The following SORCS3 variants were observed in gnomAD, a reference collection of about 807,000 sequenced individuals.
The protein encoded by SORCS3 is VPS10 domain-containing receptor SorCS3.
A neutral mutation model predicts 146.3 loss-of-function variants in SORCS3; 57 were observed. The ratio of observed to expected loss-of-function variants is 0.39; its 90% CI spans 0.31 to 0.49. The LOEUF (loss-of-function observed/expected upper bound fraction) is 0.49. SORCS3 is among the 20% of genes least tolerant of loss of function. The pLI is 0.92. For synonymous variants in SORCS3, 653 were observed against 618.5 expected, an observed-to-expected ratio of 1.06 and a Z score of -0.83; for missense variants, 1,341 against 1,575.5, an observed-to-expected ratio of 0.85 and a Z score of 2.52.
intron 7 of SORCS3, among the ~76,000 whole-genome samples, chr10:105,113,152 T>TA (rs1411509389): frequency 6.6e-6 from 1 of 152,160 alleles, no homozygotes; most frequent in African/African-American, 2.4e-5. Flanking sequence ...ATCCTGCTGC[T>TA]AAAAAATGTT....
intron 5 of SORCS3, among the ~76,000 whole-genome samples, chr10:105,052,312 C>T (rs1312205705): frequency 2.0e-5 from 3 of 151,668 alleles, no homozygotes; most frequent in Admixed American, 6.6e-5. Flanking sequence ...ATGGCAACAC[C>T]GGAAACACTG....
chr10:104,985,346 T>G (rs6584649), intron 4 of SORCS3, among the ~76,000 whole-genome samples: 47,113 of 152,040 alleles, frequency 0.31, 9,648 homozygotes, highest in African/African-American at 0.58. Flanking sequence ...TTTATCATGA[T>G]ATTGCAGCAA....
At chr10:104,755,362 T>C (rs963842520) in intron 1 of SORCS3, among the ~76,000 whole-genome samples, 7 of 152,230 alleles carry the variant, frequency 4.6e-5, no homozygotes, top group African/African-American at 1.4e-4. Context: ...ACTCACTATG[T>C]ACCTGGGACT....
chr10:105,224,076 C>T (rs910392784), intron 20 of SORCS3, among the ~76,000 whole-genome samples: 1 of 152,170 alleles, frequency 6.6e-6, no homozygotes, highest in African/African-American at 2.4e-5. Context: ...GATGAACTTA[C>T]ATTAATACAT....
At chr10:104,662,028 T>G (rs191898003) in intron 1 of SORCS3, among the ~76,000 whole-genome samples, 2 of 152,318 alleles carry the variant, frequency 1.3e-5, no homozygotes, top group East Asian at 3.9e-4. Context: ...TGGAGGTTAT[T>G]ACTATCTCTC....
chr10:104,661,866 G>A (rs1039774846), intron 1 of SORCS3, among the ~76,000 whole-genome samples: 1 of 152,072 alleles, frequency 6.6e-6, no homozygotes, highest in Non-Finnish European at 1.5e-5. Flanking sequence ...GTATGTGTAG[G>A]TGGAAGGATG....
chr10:105,175,294 C>T (rs938012950), intron 13 of SORCS3, among the ~76,000 whole-genome samples: 8 of 149,514 alleles, frequency 5.4e-5, no homozygotes, highest in South Asian at 2.1e-4. Context: ...CTCCTGACTT[C>T]GGTGATCTAC....
intron 4 of SORCS3, among the ~76,000 whole-genome samples, chr10:105,009,813 G>A (rs1180863466): frequency 1.3e-5 from 2 of 151,720 alleles, no homozygotes; most frequent in Admixed American, 6.6e-5. Flanking sequence ...GTACAACAGG[G>A]CCCTGGCTGG....
chr10:105,132,827 G>T (rs532161439), intron 7 of SORCS3, among the ~76,000 whole-genome samples: 1 of 152,124 alleles, frequency 6.6e-6, no homozygotes, highest in East Asian at 1.9e-4. Flanking sequence ...TGACGGATGG[G>T]CCCAGAGCAA....
intron 4 of SORCS3, among the ~76,000 whole-genome samples, chr10:105,001,317 G>A (rs1455062826): frequency 6.6e-6 from 1 of 152,128 alleles, no homozygotes; most frequent in Non-Finnish European, 1.5e-5. Flanking sequence ...TTGAATTCAC[G>A]GAAGGAGAAT....
chr10:104,795,127 T>C (rs540488559), intron 1 of SORCS3, among the ~76,000 whole-genome samples: 1 of 152,252 alleles, frequency 6.6e-6, no homozygotes, highest in Non-Finnish European at 1.5e-5. Flanking sequence ...AACTATAATA[T>C]GAAGCAGAAA....
At chr10:104,785,099 C>T (rs1325041221) in intron 1 of SORCS3, among the ~76,000 whole-genome samples, 1 of 152,186 alleles carries the variant, frequency 6.6e-6, no homozygotes, top group East Asian at 1.9e-4. Context: ...CACCTCCCTC[C>T]TGGACGGGGC....
chr10:104,853,685 G>T (rs1489198295), intron 2 of SORCS3, among the ~76,000 whole-genome samples: 2 of 152,150 alleles, frequency 1.3e-5, no homozygotes, highest in African/African-American at 4.8e-5. Flanking sequence ...TGGCCCAGCT[G>T]GCCCTGTTGT....
At chr10:104,881,464 G>A (rs2018629494) in intron 2 of SORCS3, among the ~76,000 whole-genome samples, 1 of 152,124 alleles carries the variant, frequency 6.6e-6, no homozygotes, top group Non-Finnish European at 1.5e-5. Flanking sequence ...TGAACCGATG[G>A]AACATTTAAA....
intron 1 of SORCS3, among the ~76,000 whole-genome samples, chr10:104,778,318 C>G (rs1338059586): frequency 6.6e-6 from 1 of 152,192 alleles, no homozygotes; most frequent in Non-Finnish European, 1.5e-5. Context: ...TATTGTTACT[C>G]TGCTTCAAAG....
At chr10:104,861,709 TG>T (rs2018405312) in intron 2 of SORCS3, among the ~76,000 whole-genome samples, 3 of 152,080 alleles carry the variant, frequency 2.0e-5, no homozygotes, top group African/African-American at 7.2e-5. Context: ...CGTCACCCAG[TG>T]GGAGGATCAG....
intron 1 of SORCS3, among the ~76,000 whole-genome samples, chr10:104,793,364 A>G (rs2017516139): frequency 3.9e-5 from 6 of 152,206 alleles, no homozygotes; most frequent in Admixed American, 3.9e-4. Context: ...AATAGAATTT[A>G]TGCATTGTGC....
chr10:104,884,972 T>G (rs1395563507), intron 2 of SORCS3, among the ~76,000 whole-genome samples: 11 of 152,196 alleles, frequency 7.2e-5, no homozygotes, highest in African/African-American at 2.7e-4. Context: ...CACTATTTAT[T>G]CTGCTTCTTT....
chr10:104,998,607 G>T (rs1290278080), intron 4 of SORCS3, among the ~76,000 whole-genome samples: 1 of 152,010 alleles, frequency 6.6e-6, no homozygotes, highest in Non-Finnish European at 1.5e-5. Context: ...AAGACTTCAG[G>T]GGTTGCTTTC....
Sources: gnomAD v4.1 joint callset for allele counts (sites outside exome capture counted in the v4.1 genomes callset) on GRCh38, gnomAD v4.1.1 for gene constraint, MANE v1.5 for transcripts, NCBI Gene and HGNC (gene_info 2026-07-23, HGNC 2026-07-21) for gene names.